Variants in SMARCC1 observed in about 807,000 individuals in gnomAD.
SMARCC1 encodes SWI/SNF complex subunit SMARCC1.
SMARCC1 carries 43 observed loss-of-function variants against 147.4 expected under a neutral mutation model. The observed-to-expected ratio is 0.29, with a 90% CI of 0.23 to 0.38. The LOEUF is 0.38. SMARCC1 is among the 10% of genes least tolerant of loss of function. SMARCC1 has a pLI of 1.00. For synonymous variants in SMARCC1, 495 were observed against 484.4 expected, an observed-to-expected ratio of 1.02 and a Z score of -0.29; for missense variants, 1,119 against 1,381.1, an observed-to-expected ratio of 0.81 and a Z score of 3.01.
At chr3:47,708,097 T>C (rs796467108) in intron 9 of SMARCC1, among the ~76,000 whole-genome samples, 16 of 113,510 alleles carry the variant, frequency 1.4e-4, no homozygotes, top group South Asian at 3.2e-4. Flanking sequence ...TTTTTTTTTT[T>C]TTTTTTTTTT....
chr3:47,770,200 C>G (rs2106873565), intron 2 of SMARCC1, among the ~76,000 whole-genome samples: 1 of 151,900 alleles, frequency 6.6e-6, no homozygotes, highest in East Asian at 1.9e-4. Flanking sequence ...TGCACTCTAG[C>G]CTGGGTGACA....
chr3:47,760,297 G>C (rs2034758806), intron 2 of SMARCC1, among the ~76,000 whole-genome samples: 2 of 152,142 alleles, frequency 1.3e-5, no homozygotes, highest in African/African-American at 4.8e-5. Context: ...GGGCAACAGA[G>C]AAAGGCTGTC....
intron 24 of SMARCC1, among the ~76,000 whole-genome samples, chr3:47,624,020 G>A (rs1056525731): frequency 6.6e-6 from 1 of 152,006 alleles, no homozygotes; most frequent in Non-Finnish European, 1.5e-5. Context: ...CAGCCGTGGT[G>A]GCTCACGCCT....
At chr3:47,684,821 T>C (rs183698372) in intron 14 of SMARCC1, among the ~76,000 whole-genome samples, 9 of 152,260 alleles carry the variant, frequency 5.9e-5, no homozygotes, top group African/African-American at 1.9e-4. Flanking sequence ...TGCCTGAAAC[T>C]GTGGACAGGG....
chr3:47,643,541 G>C (rs1481586509), intron 21 of SMARCC1, among the ~76,000 whole-genome samples: 1 of 151,338 alleles, frequency 6.6e-6, no homozygotes, highest in Non-Finnish European at 1.5e-5. Context: ...AAAAAAAAAA[G>C]CAAGTCTCAG....
intron 25 of SMARCC1, among the ~76,000 whole-genome samples, chr3:47,616,648 G>A (rs189359736): frequency 3.9e-5 from 6 of 152,040 alleles, no homozygotes; most frequent in African/African-American, 1.4e-4. Flanking sequence ...GTTTCACCAT[G>A]TTGGCCAGGC....
At chr3:47,636,418 G>A (rs2032969686) in intron 22 of SMARCC1, among the ~76,000 whole-genome samples, 1 of 152,202 alleles carries the variant, frequency 6.6e-6, no homozygotes, top group South Asian at 2.1e-4. Context: ...CATGCCCAGA[G>A]GAATGTGAAG....
intron 5 of SMARCC1, 34 bp downstream of exon 5, chr3:47,736,000 G>A: frequency 1.0e-6 from 1 of 971,588 alleles, no homozygotes; most frequent in East Asian, 2.6e-5. Context: ...AAGTGATCGT[G>A]TCTATTATTA....
At chr3:47,714,049 G>T (rs892797903) in intron 8 of SMARCC1, among the ~76,000 whole-genome samples, 4 of 152,222 alleles carry the variant, frequency 2.6e-5, no homozygotes, top group African/African-American at 9.6e-5. Context: ...AAACAGCTGA[G>T]AAGAGCTATT....
chr3:47,596,572 A>T (rs2032285736), intron 26 of SMARCC1, among the ~76,000 whole-genome samples: 7 of 151,498 alleles, frequency 4.6e-5, no homozygotes, highest in Admixed American at 4.6e-4. Flanking sequence ...GTCTCAAAAA[A>T]AAAAAAATAA....
chr3:47,720,613 G>GC, intron 7 of SMARCC1, 53 bp downstream of exon 7: 1 of 1,134,368 alleles, frequency 8.8e-7, no homozygotes, highest in Non-Finnish European at 1.3e-6. Flanking sequence ...AAATAAATGT[G>GC]CCTTCCTTTC....
At chr3:47,604,340 C>A (rs569757854) in intron 26 of SMARCC1, 5 of 453,862 alleles carry the variant, frequency 1.1e-5, no homozygotes, top group African/African-American at 2.0e-5. Flanking sequence ...ACTTCCCCAA[C>A]CTTACTGGCA....
chr3:47,762,805 G>A (rs917597071), intron 2 of SMARCC1, among the ~76,000 whole-genome samples: 1 of 151,860 alleles, frequency 6.6e-6, no homozygotes, highest in Non-Finnish European at 1.5e-5. Context: ...AGTAGCTCAC[G>A]CCTGTAATCC....
At chr3:47,699,316 T>C (rs1029844968) in intron 11 of SMARCC1, among the ~76,000 whole-genome samples, 5 of 152,176 alleles carry the variant, frequency 3.3e-5, no homozygotes, top group African/African-American at 4.8e-5. Context: ...CAAGTACTAA[T>C]TCTCCTGCTT....
intron 21 of SMARCC1, among the ~76,000 whole-genome samples, chr3:47,653,651 T>C (rs2106725155): frequency 6.6e-6 from 1 of 152,342 alleles, no homozygotes; most frequent in South Asian, 2.1e-4. Flanking sequence ...TTTCAATTTA[T>C]TCCATTTGTC....
rs760715524 is a variant in SMARCC1 at position 47,661,377 on chromosome 3, C to T, written c.2237G>A (p.Arg746Gln). The T allele has an allele frequency of 5.4e-5, 87 of 1,613,770 alleles. No individual in the cohort carries two copies. The highest frequency in any genetic ancestry group is 7.3e-5 in the Non-Finnish European group (86 of 1,179,870). Residue 746 changes from arginine (R) to glutamine (Q), a missense_variant, in exon 21 of 28, where the codon CGA becomes CAA. Transcript: ENST00000254480. ...GGTGGGATCCACTTTCCCAGAGGCTCGTGCTGCTTCTTGTACTTTCTTGAC... is the reference window on the plus strand; with the variant it reads ...GGTGGGATCCACTTTCCCAGAGGCTTGTGCTGCTTCTTGTACTTTCTTGAC... ...AHVKKVQEAARASGKVDPTYG... is the reference protein window; with the variant it reads ...AHVKKVQEAAQASGKVDPTYG...
chr3:47,637,413 G>A (rs1200164583), intron 22 of SMARCC1, among the ~76,000 whole-genome samples: 1 of 152,028 alleles, frequency 6.6e-6, no homozygotes, highest in East Asian at 1.9e-4. Context: ...ACAGTATTAG[G>A]AACACAAAGG....
At chr3:47,605,995 T>TAAA (rs141367577) in intron 26 of SMARCC1, among the ~76,000 whole-genome samples, 3 of 131,158 alleles carry the variant, frequency 2.3e-5, no homozygotes, top group Non-Finnish European at 1.6e-5. Context: ...ATAAAGGAAG[T>TAAA]AAAAAAAAAA....
intron 26 of SMARCC1, among the ~76,000 whole-genome samples, chr3:47,608,321 AG>A (rs1373475016): frequency 6.6e-6 from 1 of 151,340 alleles, no homozygotes; most frequent in East Asian, 1.9e-4. Flanking sequence ...CTCCTGACTC[AG>A]GTGATCCGCC....
Sources: gnomAD v4.1 joint callset for allele counts (sites outside exome capture counted in the v4.1 genomes callset) on GRCh38, gnomAD v4.1.1 for gene constraint, MANE v1.5 for transcripts, NCBI Gene and HGNC (gene_info 2026-07-23, HGNC 2026-07-21) for gene names.